Variants in SCHIP1 observed in about 807,000 individuals in gnomAD.
The protein encoded by SCHIP1 is schwannomin interacting protein 1.
SCHIP1 carries 8 observed loss-of-function variants against 29.7 expected under a neutral mutation model. The ratio of observed to expected loss-of-function variants is 0.27; its 90% CI spans 0.16 to 0.49. SCHIP1 has a LOEUF of 0.49. Among genes scored for constraint, SCHIP1 ranks in the 20% least tolerant of loss-of-function variants. The pLI, the probability that SCHIP1 is intolerant of heterozygous loss-of-function variation, is 0.99. For missense variants in SCHIP1, 193 were observed against 294.6 expected (o/e 0.66, Z 2.52); for synonymous variants, 76 against 94.9 (o/e 0.80, Z 1.16).
chr3:159,351,677 A>G, the SCHIP1 span, among the ~76,000 whole-genome samples: 3 of 152,166 alleles, frequency 2.0e-5, no homozygotes, highest in African/African-American at 4.8e-5. Context: ...AAGTTCTTGC[A>G]TCGATTGTGT....
At chr3:159,445,254 C>A in the SCHIP1 span, among the ~76,000 whole-genome samples, 1 of 152,086 alleles carries the variant, frequency 6.6e-6, no homozygotes, top group African/African-American at 2.4e-5. Flanking sequence ...GACATTTAGG[C>A]AGCCAAAAGA....
At chr3:159,894,848 G>T (rs1022948614) in intron 6 of SCHIP1, 3 of 151,954 alleles carry the variant, frequency 2.0e-5, no homozygotes, top group Admixed American at 2.0e-4. Context: ...AAATTTTAAT[G>T]AAATTCACTA....
the SCHIP1 span, among the ~76,000 whole-genome samples, chr3:159,618,614 T>G: frequency 1.7e-4 from 26 of 152,242 alleles, no homozygotes; most frequent in African/African-American, 4.6e-4. Context: ...CTTGAAGTAG[T>G]CCTTCTACCA....
At chr3:159,542,635 G>A in the SCHIP1 span, among the ~76,000 whole-genome samples, 2 of 151,966 alleles carry the variant, frequency 1.3e-5, no homozygotes, top group Non-Finnish European at 2.9e-5. Context: ...AGGAGTCTAG[G>A]AACTGAGTTG....
At chr3:159,291,253 AAGCC>A in the SCHIP1 span, among the ~76,000 whole-genome samples, 53 of 152,248 alleles carry the variant, frequency 3.5e-4, no homozygotes, top group African/African-American at 1.2e-3. Flanking sequence ...AAATATGTAA[AAGCC>A]TATGTGTTTA....
chr3:159,377,486 A>G, the SCHIP1 span, among the ~76,000 whole-genome samples: 3 of 152,234 alleles, frequency 2.0e-5, no homozygotes, highest in Admixed American at 2.0e-4. Context: ...TAGGAAGAAG[A>G]GGCCATGGAG....
the SCHIP1 span, among the ~76,000 whole-genome samples, chr3:159,692,343 G>A: frequency 6.6e-6 from 1 of 152,044 alleles, no homozygotes; most frequent in South Asian, 2.1e-4. Flanking sequence ...GATTCTCCCC[G>A]TCACTTTCAG....
chr3:159,383,618 A>G, the SCHIP1 span, among the ~76,000 whole-genome samples: 2 of 129,534 alleles, frequency 1.5e-5, no homozygotes, highest in African/African-American at 2.8e-5. Flanking sequence ...TATGAACTTT[A>G]AAGTAGTTTT....
the SCHIP1 span, among the ~76,000 whole-genome samples, chr3:159,815,443 T>C: frequency 1.3e-5 from 2 of 152,226 alleles, no homozygotes; most frequent in African/African-American, 2.4e-5. Flanking sequence ...GTAGCCATCA[T>C]GTGTTGGAAC....
At chr3:159,465,049 C>G in the SCHIP1 span, among the ~76,000 whole-genome samples, 1 of 152,102 alleles carries the variant, frequency 6.6e-6, no homozygotes, top group East Asian at 1.9e-4. Flanking sequence ...TTCCAGCCCC[C>G]AGAGAGCTCA....
the SCHIP1 span, among the ~76,000 whole-genome samples, chr3:159,774,046 G>A: frequency 6.6e-6 from 1 of 152,186 alleles, no homozygotes; most frequent in Admixed American, 6.5e-5. Flanking sequence ...TTGCTGATTT[G>A]TAGTGTTTTT....
At chr3:159,393,981 T>G in the SCHIP1 span, among the ~76,000 whole-genome samples, 5 of 152,084 alleles carry the variant, frequency 3.3e-5, no homozygotes, top group African/African-American at 1.2e-4. Context: ...GTATCCTCTT[T>G]TATCTCATTG....
At chr3:159,331,663 A>C in the SCHIP1 span, among the ~76,000 whole-genome samples, 1 of 152,090 alleles carries the variant, frequency 6.6e-6, no homozygotes, top group African/African-American at 2.4e-5. Context: ...CATCTCTTCA[A>C]AGATCCTTAC....
intron 1 of SCHIP1, among the ~76,000 whole-genome samples, chr3:159,865,041 T>C (rs1714472052): frequency 6.6e-6 from 1 of 152,208 alleles, no homozygotes; most frequent in Non-Finnish European, 1.5e-5. Flanking sequence ...CCACAGGCTA[T>C]GCATTTTTGT....
At chr3:159,581,823 C>G in the SCHIP1 span, among the ~76,000 whole-genome samples, 3 of 152,062 alleles carry the variant, frequency 2.0e-5, no homozygotes, top group African/African-American at 7.2e-5. Flanking sequence ...ATGTGAATCT[C>G]CAATTATCTC....
At chr3:159,579,462 G>A in the SCHIP1 span, among the ~76,000 whole-genome samples, 1 of 152,272 alleles carries the variant, frequency 6.6e-6, no homozygotes, top group East Asian at 1.9e-4. Flanking sequence ...ATATTTTGGG[G>A]TACTCCTATA....
chr3:159,307,932 G>C, the SCHIP1 span, among the ~76,000 whole-genome samples: 1 of 152,068 alleles, frequency 6.6e-6, no homozygotes, highest in Non-Finnish European at 1.5e-5. Flanking sequence ...ACTGACCTGT[G>C]TGTCTGTTTT....
At chr3:159,892,055 G>A in intron 5 of SCHIP1, 42 bp from the exon 7 acceptor site, 3 of 1,593,672 alleles carry the variant, frequency 1.9e-6, no homozygotes, top group South Asian at 2.3e-5. Flanking sequence ...CTGACTTGGA[G>A]GCAGTTTTAT....
the SCHIP1 span, among the ~76,000 whole-genome samples, chr3:159,657,300 T>G: frequency 6.6e-6 from 1 of 152,240 alleles, no homozygotes; most frequent in Non-Finnish European, 1.5e-5. Flanking sequence ...CCAAGTCAGC[T>G]GCCAAAGCAC....
Sources: gnomAD v4.1 joint callset for allele counts (sites outside exome capture counted in the v4.1 genomes callset) on GRCh38, gnomAD v4.1.1 for gene constraint, MANE v1.5 for transcripts, NCBI Gene and HGNC (gene_info 2026-07-23, HGNC 2026-07-21) for gene names.